ITPR2: variants seen among roughly 807,000 people sequenced by gnomAD.
ITPR2 encodes the protein inositol 1,4,5-trisphosphate-gated calcium channel ITPR2.
In ITPR2, 207 loss-of-function variants were observed where a neutral mutation model predicts 317.1. The observed-to-expected ratio is 0.65, with a 90% CI of 0.58 to 0.73. The LOEUF (loss-of-function observed/expected upper bound fraction) is 0.73. Ranked by LOEUF, ITPR2 falls within the 30% of genes least tolerant of loss-of-function variation. ITPR2 has a pLI of 0.00. For synonymous variants in ITPR2, 1,156 were observed against 1,149.1 expected (o/e 1.01, Z -0.12); for missense variants, 2,613 against 3,284.0 (o/e 0.80, Z 4.99).
intron 55 of ITPR2, among the ~76,000 whole-genome samples, chr12:26,346,776 T>A (rs985730701): frequency 1.3e-5 from 2 of 152,134 alleles, no homozygotes; most frequent in East Asian, 1.9e-4. Flanking sequence ...ACCAAAAAAC[T>A]AGCTATAAGA....
At chr12:26,740,707 C>T (rs544439871) in intron 2 of ITPR2, among the ~76,000 whole-genome samples, 1 of 152,228 alleles carries the variant, frequency 6.6e-6, no homozygotes, top group Non-Finnish European at 1.5e-5. Flanking sequence ...TTTATTACTT[C>T]GGTAAAAATT....
intron 37 of ITPR2, among the ~76,000 whole-genome samples, chr12:26,522,500 A>T (rs1023412138): frequency 1.3e-5 from 2 of 152,306 alleles, no homozygotes; most frequent in Admixed American, 1.3e-4. Context: ...GGAAGAAAAC[A>T]TCTAAGATCT....
chr12:26,556,565 TTTGTGTG>T (rs767738313), intron 35 of ITPR2, among the ~76,000 whole-genome samples, 190 bp from the exon 36 acceptor site: 1,736 of 105,286 alleles, frequency 0.016, 20 homozygotes, highest in African/African-American at 0.048. Context: ...TATTTTTTTT[TTTGTGTG>T]TGTGTGTGTG....
At chr12:26,706,010 A>G (rs574682718) in intron 9 of ITPR2, among the ~76,000 whole-genome samples, 1 of 152,360 alleles carries the variant, frequency 6.6e-6, no homozygotes, top group African/African-American at 2.4e-5. Flanking sequence ...CAAAGAAAGA[A>G]AATGTAGAAA....
chr12:26,665,110 G>A (rs1302862382), intron 14 of ITPR2, among the ~76,000 whole-genome samples: 2 of 152,138 alleles, frequency 1.3e-5, no homozygotes, highest in Non-Finnish European at 2.9e-5. Context: ...ATTTACTGAC[G>A]TGTTATGAAC....
intron 54 of ITPR2, among the ~76,000 whole-genome samples, chr12:26,395,356 A>C (rs1939962396): frequency 6.6e-6 from 1 of 152,190 alleles, no homozygotes; most frequent in Non-Finnish European, 1.5e-5. Flanking sequence ...AGGAATTTAT[A>C]GGTGACTGGC....
In ITPR2 at chr12:26,600,077, T is replaced by C. The variant is rs774491065; in HGVS notation, c.3711A>G (p.Leu1237=). ...AGAAATTCTGCAGAAATGTATGGGC[T>C]AGATTCATTACTTCATTCATCTTTT... ...NDEKMNEVMN[L]AHTFLQNFCR... Residue 1237 remains leucine (L), a synonymous_variant, in exon 29 of 57, where the codon CTA becomes CTG. Transcript: ENST00000381340. 1.2e-6 allele frequency: 2 copies of C among 1,605,976 alleles called. No individual in the cohort carries two copies.
intron 35 of ITPR2, among the ~76,000 whole-genome samples, 192 bp from the exon 36 acceptor site, chr12:26,556,567 TGTGTG>T (rs1279211362): frequency 1.0e-4 from 6 of 59,040 alleles, no homozygotes; most frequent in African/African-American, 2.9e-4. Flanking sequence ...TTTTTTTTTT[TGTGTG>T]TGTGTGTGTG....
chr12:26,550,032 A>C (rs991770221), intron 37 of ITPR2, among the ~76,000 whole-genome samples: 2 of 151,928 alleles, frequency 1.3e-5, no homozygotes, highest in Non-Finnish European at 2.9e-5. Context: ...TAATAAAACA[A>C]ATATCTAGGA....
At chr12:26,543,655 G>T (rs2136988825) in intron 37 of ITPR2, among the ~76,000 whole-genome samples, 1 of 152,206 alleles carries the variant, frequency 6.6e-6, no homozygotes, top group African/African-American at 2.4e-5. Context: ...TGTAATCCCA[G>T]CTACTCGGAA....
chr12:26,598,337 C>T (rs1945901886), intron 30 of ITPR2, among the ~76,000 whole-genome samples: 1 of 152,308 alleles, frequency 6.6e-6, no homozygotes, highest in Admixed American at 6.5e-5. Context: ...TGGAAATCTC[C>T]TCCATTCCCA....
In ITPR2 at chr12:26,686,593, C is replaced by T. The variant is rs899485925; in HGVS notation, c.1036G>A (p.Ala346Thr). The change falls in exon 11 of 57, where the codon GCA (alanine) becomes ACA (threonine). Residue 346 changes from alanine (A) to threonine (T), a missense_variant. Ala to Thr is a moderately conservative substitution (Grantham distance 58). Transcript: ENST00000381340. ...AAAGTATACATGATCTTCTCCCCTG[C>T]CTGGCGTTTTTTCTTTGAAGTTGGA... ...VPPTSKKKRQ[A>T]GEKIMYTLVS... 2 of 1,611,004 alleles carry T rather than the reference C, an allele frequency of 1.2e-6. No homozygotes were observed. Among genetic ancestry groups the T allele is most frequent in the Non-Finnish European group, 1.7e-6 (2 of 1,178,338 alleles).
At chr12:26,801,198 G>A (rs1290812099) in intron 1 of ITPR2, 2 of 157,410 alleles carry the variant, frequency 1.3e-5, no homozygotes, top group Middle Eastern at 1.9e-3. Flanking sequence ...CCAAGGCATG[G>A]ACGTGGACAT....
chr12:26,584,909 T>C (rs1403373232), intron 32 of ITPR2, among the ~76,000 whole-genome samples: 1 of 152,218 alleles, frequency 6.6e-6, no homozygotes, highest in African/African-American at 2.4e-5. Flanking sequence ...TGATATCTCA[T>C]ATTTATTTTA....
intron 32 of ITPR2, among the ~76,000 whole-genome samples, chr12:26,588,664 C>T (rs1176729872): frequency 6.6e-6 from 1 of 152,084 alleles, no homozygotes; most frequent in East Asian, 1.9e-4. Flanking sequence ...TAAGTAAAAA[C>T]TTGACTCAAT....
rs1941109019 is a variant in ITPR2 at position 26,427,897 on chromosome 12, TAAGTA to T, written c.6945+11_6945+15del. The T allele has an allele frequency of 4.6e-6, 7 of 1,515,806 alleles. No homozygotes were observed. The highest frequency in any genetic ancestry group is 2.7e-5 in the South Asian group (2 of 72,790). The allele number at this position is 1,515,806 out of a possible 1,614,324, so 93.9% of individuals were successfully genotyped here. A position where few individuals can be genotyped will look rare whatever the true frequency, so the allele number is the denominator to read the frequency against. ...AACTAATTCTGTAACAGTACAAAGCTAAGTAAAGTACTTACATTAGCTGCACCAAG... is the reference window on the plus strand; with the variant it reads ...AACTAATTCTGTAACAGTACAAAGCTAAGTACTTACATTAGCTGCACCAAG... On this transcript the variant is annotated intron_variant, in intron 49 of 56. Transcript: ENST00000381340.
chr12:26,538,875 A>G (rs933744563), intron 37 of ITPR2, among the ~76,000 whole-genome samples: 3 of 152,122 alleles, frequency 2.0e-5, no homozygotes, highest in African/African-American at 7.2e-5. Context: ...GCGCCCGGAC[A>G]GCCTGTGATT....
At chr12:26,406,543 T>C (rs1940359732) in intron 52 of ITPR2, 1 of 150,514 alleles carries the variant, frequency 6.6e-6, no homozygotes, top group African/African-American at 2.4e-5. Flanking sequence ...CTGAGGGAGC[T>C]GGCCACTCTG....
chr12:26,772,482 T>C (rs4964014), intron 2 of ITPR2, among the ~76,000 whole-genome samples: 53 of 78,844 alleles, frequency 6.7e-4, no homozygotes, highest in East Asian at 3.9e-3. Flanking sequence ...ATATATAATA[T>C]ATATAATACA....
Sources: gnomAD v4.1 joint callset for allele counts (sites outside exome capture counted in the v4.1 genomes callset) on GRCh38, gnomAD v4.1.1 for gene constraint, MANE v1.5 for transcripts, NCBI Gene and HGNC (gene_info 2026-07-23, HGNC 2026-07-21) for gene names.